Variants in DOCK7 observed in about 807,000 individuals in gnomAD.
DOCK7 encodes the protein dedicator of cytokinesis 7, also known as dedicator of cytokinesis protein 7.
In DOCK7, 138 loss-of-function variants were observed where a neutral mutation model predicts 271.0. The ratio of observed to expected loss-of-function variants is 0.51; its 90% CI spans 0.44 to 0.59. The LOEUF is 0.59. Ranked by LOEUF, DOCK7 falls within the 20% of genes least tolerant of loss-of-function variation. The pLI is 0.00. For missense variants in DOCK7, 2,066 were observed against 2,592.4 expected, an observed-to-expected ratio of 0.80 and a Z score of 4.41; for synonymous variants, 823 against 876.1, an observed-to-expected ratio of 0.94 and a Z score of 1.07.
chr1:62,664,449 C>T (rs1310849934), intron 1 of DOCK7, among the ~76,000 whole-genome samples: 1 of 152,124 alleles, frequency 6.6e-6, no homozygotes, highest in Admixed American at 6.6e-5. Context: ...GCTCCTCCTT[C>T]GTCTTCTGCC....
chr1:62,597,437 G>C (rs1464209154), intron 14 of DOCK7: 2 of 921,534 alleles, frequency 2.2e-6, no homozygotes, highest in Admixed American at 5.5e-5. Flanking sequence ...ACGGCTTAAT[G>C]ATTAACTATG....
At position 62,542,931 on chromosome 1, in the gene DOCK7, G is replaced by A. The variant is rs1389630744; in HGVS notation, c.2950-228C>T. ...ATTACATGTTATCTTGCAGTAAAAT[G>A]TAATTTTAAAAGGACAGGTAGAAGA... On this transcript the variant is annotated intron_variant, in intron 24 of 49. Coordinates refer to ENST00000635253, the MANE Select transcript of DOCK7 (RefSeq NM_001367561.1). Among the ~76,000 whole-genome samples, 5 of 152,092 alleles carry A rather than the reference G, an allele frequency of 3.3e-5. 1 individual carries two copies. The highest frequency in any genetic ancestry group is 2.1e-4 in the South Asian group (1 of 4,826).
At chr1:62,602,294 G>C in intron 14 of DOCK7, 1 of 1,607,806 alleles carries the variant, frequency 6.2e-7, no homozygotes. Context: ...GGTAGTCCAT[G>C]GACATTAATT....
chr1:62,679,183 C>T (rs1660847338), intron 1 of DOCK7, among the ~76,000 whole-genome samples: 1 of 152,026 alleles, frequency 6.6e-6, no homozygotes, highest in Admixed American at 6.5e-5. Flanking sequence ...GGGGTAACTA[C>T]AAATTCATGA....
chr1:62,559,160 C>T lies in DOCK7; in HGVS notation c.2260G>A (p.Val754Ile). The T allele has an allele frequency of 6.2e-7, 1 of 1,613,760 alleles. No homozygotes were observed. Among genetic ancestry groups the T allele is most frequent in the Non-Finnish European group, 8.5e-7 (1 of 1,179,886 alleles). ...ATGATTCGCATGTCCCCAATTCGGA[C>T]TGGGAACAGGTGTTCATCCAGAGCA... Reference protein sequence around the residue: ...VNALDEHLFPVRIGDMRIMEN... With the variant: ...VNALDEHLFPIRIGDMRIMEN... The change falls in exon 20 of 50, where the codon GTC becomes ATC. Residue 754 changes from valine to isoleucine, a missense_variant. Around this residue, in one of 2 missense-constraint regions of DOCK7, gnomAD observed 1,414 missense variants for 1,670.4 expected, o/e 0.85. Coordinates refer to ENST00000635253, the MANE Select transcript of DOCK7 (RefSeq NM_001367561.1).
chr1:62,658,356 C>T (rs764587302), intron 2 of DOCK7, among the ~76,000 whole-genome samples: 1 of 151,252 alleles, frequency 6.6e-6, no homozygotes, highest in Non-Finnish European at 1.5e-5. Flanking sequence ...CGGGAGGCTG[C>T]GGCATGAGAA....
At position 62,539,597 on chromosome 1, in the gene DOCK7, G is replaced by GACATCTGTCC; in HGVS notation, c.3247_3248insGGACAGATGT (p.Ser1083TrpfsTer13). ...AAAAACAAATCCTCTGTCCATAACA[G>GACATCTGTCC]ACAACAGATCATTGAGAAAGAATGC... On this transcript the variant is annotated frameshift_variant, in exon 27 of 50. Coordinates refer to ENST00000635253, the MANE Select transcript of DOCK7 (RefSeq NM_001367561.1). LOFTEE classifies it high-confidence loss of function. 6.2e-7 allele frequency: 1 copy of GACATCTGTCC among 1,613,880 alleles called. No individual in the cohort carries two copies. Among genetic ancestry groups the GACATCTGTCC allele is most frequent in the Non-Finnish European group, 8.5e-7 (1 of 1,179,920 alleles).
At chr1:62,558,192 A>G (rs1646209378) in intron 20 of DOCK7, among the ~76,000 whole-genome samples, 1 of 152,154 alleles carries the variant, frequency 6.6e-6, no homozygotes, top group African/African-American at 2.4e-5. Flanking sequence ...TTCTGAGTTC[A>G]TTATGTCTGT....
rs541018336 is a variant in DOCK7, at chr1:62,586,734, C to T, written c.1683-110G>A. 15 of 584,082 alleles carry T rather than the reference C, an allele frequency of 2.6e-5. No homozygotes were observed. In the South Asian group the frequency reaches 5.1e-4, roughly 20 times the overall value. 36.2% of individuals were successfully genotyped at this position (584,082 alleles called of 1,614,324 possible). A position where few individuals can be genotyped will look rare whatever the true frequency, so the allele number is the denominator to read the frequency against. On this transcript the variant is annotated intron_variant, in intron 14 of 49. Coordinates refer to ENST00000635253, the MANE Select transcript of DOCK7 (RefSeq NM_001367561.1). The stretch of plus-strand genomic sequence containing the variant: ...CCAAATACTGAATTACTGATATTGG[C>T]TAGCAATTATGCTAAGTATTTTCAC...
chr1:62,558,270 T>C (rs190004806), intron 20 of DOCK7, among the ~76,000 whole-genome samples: 2 of 152,238 alleles, frequency 1.3e-5, no homozygotes, highest in East Asian at 1.9e-4. Flanking sequence ...CAGACTCCTA[T>C]TCATCTTTAA....
At chr1:62,464,923 A>G (rs1211512080) in intron 48 of DOCK7, among the ~76,000 whole-genome samples, 3 of 152,232 alleles carry the variant, frequency 2.0e-5, no homozygotes, top group Admixed American at 2.0e-4. Context: ...TTTTAAAAAG[A>G]AAAAGATGTC....
At position 62,461,625 on chromosome 1, in the gene DOCK7, C is replaced by T. The variant is rs1038565823; in HGVS notation, c.6213-3920G>A. 1.7e-4 allele frequency among the ~76,000 whole-genome samples: 26 copies of T among 150,940 alleles called. 1 individual carries two copies. Among genetic ancestry groups the T allele is most frequent in the Admixed American group, 6.6e-4 (10 of 15,144 alleles). On this transcript the variant is annotated intron_variant, in intron 48 of 49. Transcript: ENST00000635253. ...AAGGCTGCAGTGAGCCATGATCACACCACTGCACTCACTCCAGCCTGGGTG... is the reference window on the plus strand; with the variant it reads ...AAGGCTGCAGTGAGCCATGATCACATCACTGCACTCACTCCAGCCTGGGTG...
chr1:62,575,808 G>T (rs551944786), intron 18 of DOCK7, among the ~76,000 whole-genome samples: 5 of 152,266 alleles, frequency 3.3e-5, no homozygotes, highest in African/African-American at 1.2e-4. Context: ...ATACAGTATG[G>T]TAGCTAGAAG....
intron 31 of DOCK7, among the ~76,000 whole-genome samples, chr1:62,521,278 T>C (rs1644842303): frequency 6.6e-6 from 1 of 152,000 alleles, no homozygotes; most frequent in Non-Finnish European, 1.5e-5. Flanking sequence ...AAATGTTACA[T>C]ATAAACAGCA....
chr1:62,561,473 G>A, intron 19 of DOCK7, 144 bp downstream of exon 19: 1 of 394,918 alleles, frequency 2.5e-6, no homozygotes, highest in Non-Finnish European at 4.5e-6. Context: ...TCTAAATATT[G>A]TATGTTTTTA....
intron 31 of DOCK7, among the ~76,000 whole-genome samples, chr1:62,526,100 C>T (rs974753424): frequency 7.2e-5 from 11 of 152,070 alleles, no homozygotes; most frequent in Non-Finnish European, 1.5e-4. Context: ...CCACCACGCC[C>T]GGCTATTTTT....
At chr1:62,575,103 A>G (rs1436051442) in intron 18 of DOCK7, among the ~76,000 whole-genome samples, 1 of 152,184 alleles carries the variant, frequency 6.6e-6, no homozygotes, top group African/African-American at 2.4e-5. Context: ...AGTCAAAGGC[A>G]CAACCACAGC....
intron 14 of DOCK7, chr1:62,609,704 A>G (rs1651503234): frequency 6.6e-6 from 1 of 152,190 alleles, no homozygotes; most frequent in Non-Finnish European, 1.5e-5. Flanking sequence ...CAGAGTTTGC[A>G]TCTGTTTCTG....
intron 23 of DOCK7, among the ~76,000 whole-genome samples, chr1:62,544,243 G>T (rs1427287800): frequency 6.6e-6 from 1 of 152,050 alleles, no homozygotes; most frequent in Non-Finnish European, 1.5e-5. Flanking sequence ...TATTAGAAAT[G>T]GAATTAAAAA....
Sources: gnomAD v4.1 joint callset for allele counts (sites outside exome capture counted in the v4.1 genomes callset) on GRCh38, gnomAD v4.1.1 for gene constraint, gnomAD v4.1.1 regional missense constraint, MANE v1.5 for transcripts, NCBI Gene and HGNC (gene_info 2026-07-23, HGNC 2026-07-21) for gene names.